Variants in FUT8 observed in about 807,000 individuals in gnomAD.
The protein encoded by FUT8 is fucosyltransferase 8.
FUT8 carries 29 observed loss-of-function variants against 71.3 expected under a neutral mutation model. The observed-to-expected ratio is 0.41, with a 90% CI of 0.30 to 0.55. FUT8 has a LOEUF of 0.55. FUT8 is among the 20% of genes least tolerant of loss of function. The pLI, the probability that FUT8 is intolerant of heterozygous loss-of-function variation, is 0.34. For missense variants in FUT8, 544 were observed against 702.1 expected, an observed-to-expected ratio of 0.77 and a Z score of 2.55; for synonymous variants, 254 against 239.3, an observed-to-expected ratio of 1.06 and a Z score of -0.57.
At chr14:65,615,126 T>A (rs540178856) in intron 3 of FUT8, among the ~76,000 whole-genome samples, 2 of 152,308 alleles carry the variant, frequency 1.3e-5, no homozygotes, top group Admixed American at 1.3e-4. Flanking sequence ...AGACAGGGTT[T>A]CACTCTGCTG....
Position 65,616,276 on chromosome 14 carries a change from T to C in FUT8, c.385T>C (p.Phe129Leu). The C allele has an allele frequency of 6.2e-7, 1 of 1,613,076 alleles. No individual in the cohort carries two copies. The highest frequency in any genetic ancestry group is 8.5e-7 in the Non-Finnish European group (1 of 1,179,546). Reference sequence around the variant, plus strand: ...AAATGGAGCTAAAGAGCTCTGGTTTTTCCTACAGAGTGAATTGAAGAAATT... The same window carrying C: ...AAATGGAGCTAAAGAGCTCTGGTTTCTCCTACAGAGTGAATTGAAGAAATT... ...IENGAKELWF[F>L]LQSELKKLKN... The change falls in exon 5 of 11, where the codon TTC (phenylalanine) becomes CTC (leucine). Residue 129 changes from phenylalanine (F) to leucine (L), a missense_variant. Transcript: ENST00000673929.
At chr14:65,577,083 C>G (rs1356382233) in intron 3 of FUT8, among the ~76,000 whole-genome samples, 1 of 151,982 alleles carries the variant, frequency 6.6e-6, no homozygotes, top group Non-Finnish European at 1.5e-5. Context: ...CTCCTGGGCT[C>G]TAGCAGTCCT....
intron 7 of FUT8, among the ~76,000 whole-genome samples, chr14:65,681,860 T>G (rs1238624867): frequency 6.6e-6 from 1 of 152,220 alleles, no homozygotes; most frequent in Non-Finnish European, 1.5e-5. Flanking sequence ...CCAGAGGTAG[T>G]ACAGCCGCTG....
the FUT8 span, among the ~76,000 whole-genome samples, chr14:65,376,514 G>A: frequency 9.2e-6 from 1 of 108,512 alleles, no homozygotes; most frequent in South Asian, 3.1e-4. Context: ...GGTTTCAAGT[G>A]ATTCTCTTGC....
At chr14:65,559,887 TAA>T (rs1566822293) in intron 2 of FUT8, among the ~76,000 whole-genome samples, 4 of 152,194 alleles carry the variant, frequency 2.6e-5, no homozygotes, top group African/African-American at 9.6e-5. Context: ...GAATAGTTAT[TAA>T]AACAACAGAC....
At chr14:65,654,316 C>A (rs188835517) in intron 6 of FUT8, among the ~76,000 whole-genome samples, 1 of 152,266 alleles carries the variant, frequency 6.6e-6, no homozygotes, top group East Asian at 1.9e-4. Flanking sequence ...AGGCCAGGCA[C>A]GGTGGAGCAC....
At chr14:65,362,169 GTT>G in the FUT8 span, among the ~76,000 whole-genome samples, 2 of 152,158 alleles carry the variant, frequency 1.3e-5, no homozygotes, top group Admixed American at 1.3e-4. Context: ...AGGCTTTGCT[GTT>G]TTACAATCTA....
intron 9 of FUT8, among the ~76,000 whole-genome samples, chr14:65,727,706 G>A (rs935077940): frequency 1.3e-5 from 2 of 152,172 alleles, no homozygotes; most frequent in Non-Finnish European, 2.9e-5. Flanking sequence ...GGCTCCTCAT[G>A]ACTTACACAA....
chr14:65,442,250 A>T (rs1212478734), intron 1 of FUT8, among the ~76,000 whole-genome samples: 1 of 149,894 alleles, frequency 6.7e-6, no homozygotes, highest in Non-Finnish European at 1.5e-5. Context: ...ATCTCGGCTC[A>T]CTGCAGTCTC....
chr14:65,546,332 T>G (rs1256356570), intron 2 of FUT8, among the ~76,000 whole-genome samples: 2 of 151,852 alleles, frequency 1.3e-5, no homozygotes, highest in Non-Finnish European at 3.0e-5. Flanking sequence ...AATCTATTCT[T>G]TATTGAGCTT....
At position 65,497,494 on chromosome 14, in the gene FUT8, C is replaced by G. The variant is rs566042159; in HGVS notation, c.-228+41776C>G. 7.2e-5 allele frequency among the ~76,000 whole-genome samples: 11 copies of G among 152,142 alleles called. No individual in the cohort carries two copies. The South Asian group carries it at 1.9e-3, about 26-fold the overall frequency. ...ATTCTCTATGAAGTTTTTGAATCAT[C>G]TTTTTAATTTATTCTTCCCGATGAT... On this transcript the variant is annotated intron_variant, in intron 2 of 10. Transcript: ENST00000673929.
At chr14:65,535,716 A>C (rs749445221) in intron 2 of FUT8, among the ~76,000 whole-genome samples, 8 of 152,124 alleles carry the variant, frequency 5.3e-5, no homozygotes, top group Non-Finnish European at 7.4e-5. Context: ...GGTCAGTTTT[A>C]GAGTATGTGC....
chr14:65,553,450 G>A (rs1430639149), intron 2 of FUT8, among the ~76,000 whole-genome samples: 1 of 151,936 alleles, frequency 6.6e-6, no homozygotes, highest in Non-Finnish European at 1.5e-5. Context: ...TTTTAATGTG[G>A]TTAAATTAAG....
chr14:65,383,265 C>CTTTTTTTTCTTTTTTTTTTTTTTTTTTTT, the FUT8 span, among the ~76,000 whole-genome samples: 1 of 86,514 alleles, frequency 1.2e-5, no homozygotes, highest in Non-Finnish European at 2.3e-5. Context: ...TTTTTCTTTT[C>CTTTTTTTTCTTTTTTTTTTTTTTTTTTTT]TTTTTTTTTT....
intron 1 of FUT8, among the ~76,000 whole-genome samples, chr14:65,423,205 C>T (rs1181534611): frequency 2.7e-5 from 4 of 150,446 alleles, no homozygotes; most frequent in East Asian, 1.9e-4. Flanking sequence ...AGGCTGGTCT[C>T]GAACTCCTGA....
chr14:65,662,316 G>A (rs1004484786), intron 6 of FUT8, among the ~76,000 whole-genome samples: 1 of 152,178 alleles, frequency 6.6e-6, no homozygotes, highest in Non-Finnish European at 1.5e-5. Context: ...AGCCCAGGAG[G>A]TTGAGGTTGT....
At chr14:65,668,753 G>C (rs114567877) in intron 6 of FUT8, among the ~76,000 whole-genome samples, 2,564 of 152,144 alleles carry the variant, frequency 0.017, 72 homozygotes, top group African/African-American at 0.058. Context: ...AGCACTATTT[G>C]CAATTGCAAA....
the FUT8 span, among the ~76,000 whole-genome samples, chr14:65,402,526 G>T: frequency 6.6e-6 from 1 of 152,052 alleles, no homozygotes; most frequent in African/African-American, 2.4e-5. Context: ...AAATTAGCTG[G>T]GCGTGGTGGC....
At chr14:65,734,268 C>T (rs1005458070) in intron 10 of FUT8, among the ~76,000 whole-genome samples, 2 of 151,596 alleles carry the variant, frequency 1.3e-5, no homozygotes, top group African/African-American at 2.4e-5. Flanking sequence ...TGAGAAGAAG[C>T]GGAGAAAAGA....
Sources: allele counts gnomAD v4.1 joint callset (sites outside exome capture counted in the v4.1 genomes callset), GRCh38; gene constraint gnomAD v4.1.1; transcripts MANE v1.5; gene names NCBI Gene and HGNC (gene_info 2026-07-23, HGNC 2026-07-21).